The following TTC9 variants were observed in gnomAD, a reference collection of about 807,000 sequenced individuals.
TTC9 encodes tetratricopeptide repeat domain 9, also known as tetratricopeptide repeat protein 9A.
Under a neutral mutation model 22.9 loss-of-function variants are expected in TTC9, and 13 were observed. The ratio of observed to expected loss-of-function variants is 0.57; its 90% CI spans 0.37 to 0.90. The LOEUF is 0.90. Ranked by LOEUF, TTC9 falls within the 40% of genes least tolerant of loss-of-function variation. TTC9 has a pLI of 0.01. For synonymous variants in TTC9, 148 were observed against 133.2 expected, an observed-to-expected ratio of 1.11 and a Z score of -0.77; for missense variants, 280 against 291.8, an observed-to-expected ratio of 0.96 and a Z score of 0.29.
chr14:70,667,369 T>C (rs185809115), intron 1 of TTC9, among the ~76,000 whole-genome samples, 195 bp from the exon 2 acceptor site: 89 of 152,354 alleles, frequency 5.8e-4, no homozygotes, highest in African/African-American at 2.0e-3. Flanking sequence ...AGTGACTTGC[T>C]CAAGCCTTGT....
In TTC9 at chr14:70,672,420, T is replaced by G. The variant is rs1417871014; in HGVS notation, c.*1265T>G. On this transcript the variant is annotated 3_prime_UTR_variant, in exon 3 of 3. Transcript: ENST00000256367. Reference sequence around the variant, plus strand: ...TGCTCGTTATGCTATGCCATGTTGCTTCAGTCAAACAAGAAACACTTACTG... The same window carrying G: ...TGCTCGTTATGCTATGCCATGTTGCGTCAGTCAAACAAGAAACACTTACTG... The G allele has an allele frequency of 2.6e-5, 4 of 152,258 alleles. No individual in the cohort carries two copies. Among genetic ancestry groups the G allele is most frequent in the Non-Finnish European group, 5.9e-5 (4 of 68,040 alleles). 9.4% of individuals were successfully genotyped at this position (152,258 alleles called of 1,614,324 possible).
chr14:70,643,833 A>G (rs1233107008), intron 1 of TTC9, among the ~76,000 whole-genome samples: 1 of 152,246 alleles, frequency 6.6e-6, no homozygotes, highest in Admixed American at 6.5e-5. Context: ...GGCACTTTGT[A>G]AATTGTAAAG....
chr14:70,646,559 G>A (rs56399550), intron 1 of TTC9, among the ~76,000 whole-genome samples: 1,544 of 152,318 alleles, frequency 0.01, 11 homozygotes, highest in Middle Eastern at 0.02. Flanking sequence ...TTCAAGGCTC[G>A]AATGCCAGCA....
intron 1 of TTC9, among the ~76,000 whole-genome samples, chr14:70,647,808 A>G (rs528290592): frequency 1.4e-4 from 22 of 152,378 alleles, no homozygotes; most frequent in Non-Finnish European, 2.8e-4. Context: ...GCAATAGCAG[A>G]GTATTAAATG....
chr14:70,649,217 A>G (rs1009793884), intron 1 of TTC9, among the ~76,000 whole-genome samples: 1 of 152,248 alleles, frequency 6.6e-6, no homozygotes, highest in African/African-American at 2.4e-5. Flanking sequence ...CAGTAATGAC[A>G]GAAAGGATTA....
intron 1 of TTC9, among the ~76,000 whole-genome samples, chr14:70,647,806 A>G (rs1489817576): frequency 6.6e-6 from 1 of 152,246 alleles, no homozygotes; most frequent in Non-Finnish European, 1.5e-5. Context: ...AGGCAATAGC[A>G]GAGTATTAAA....
intron 1 of TTC9, 24 bp downstream of exon 1, chr14:70,642,559 G>GCCGCGCCCCCCGCT (rs774717358): frequency 0.014 from 21,522 of 1,522,084 alleles, 192 homozygotes; most frequent in Middle Eastern, 0.021. Context: ...CGCCCCCCGC[G>GCCGCGCCCCCCGCT]CCGCGGTCCC....
In TTC9 at chr14:70,667,594, A is replaced by G. The variant is rs372204369; in HGVS notation, c.437A>G (p.Tyr146Cys). Residue 146 changes from tyrosine to cysteine, a missense_variant, in exon 2 of 3, where the codon TAT becomes TGT. Physicochemically the swap from Tyr to Cys is radical, Grantham distance 194. This residue lies in a region of TTC9 where 165 missense variants were observed against 145.4 expected (regional missense o/e 1.14). Transcript: ENST00000256367. ...CTGCTCCAGGCTGAGCTGGTAAACT[A>G]TGAACGAGTCAAGGAATATTGCCTC... is the stretch of plus-strand genomic sequence containing the variant. ...ACLLQAELVN[Y>C]ERVKEYCLKV... 4.3e-6 allele frequency: 7 copies of G among 1,613,890 alleles called. No individual in the cohort carries two copies. The highest frequency in any genetic ancestry group is 1.3e-5 in the African/African-American group (1 of 74,922).
intron 1 of TTC9, among the ~76,000 whole-genome samples, chr14:70,666,198 T>C (rs1343128319): frequency 2.0e-5 from 3 of 152,162 alleles, no homozygotes; most frequent in African/African-American, 4.8e-5. Flanking sequence ...CCTCCAGGCG[T>C]GTCATCACTC....
Position 70,667,681 on chromosome 14 carries a change from A to G in TTC9, c.524A>G (p.Tyr175Cys). ...CTTTACCGGTCTGGTGTGGCCTTCT[A>G]CCACCTTGGGGACTATGACAAAGCA... ...KALYRSGVAF[Y>C]HLGDYDKALY... is the part of the protein sequence containing the mutation. The change falls in exon 2 of 3, where the codon TAC (tyrosine) becomes TGC (cysteine). Residue 175 changes from tyrosine to cysteine, a missense_variant. Coordinates refer to ENST00000256367, the MANE Select transcript of TTC9 (RefSeq NM_015351.2). The G allele has an allele frequency of 6.2e-7, 1 of 1,613,860 alleles. No homozygotes were observed. Among genetic ancestry groups the G allele is most frequent in the Non-Finnish European group, 8.5e-7 (1 of 1,179,832 alleles).
At chr14:70,646,642 C>T (rs1199559646) in intron 1 of TTC9, among the ~76,000 whole-genome samples, 2 of 152,126 alleles carry the variant, frequency 1.3e-5, no homozygotes, top group Non-Finnish European at 2.9e-5. Flanking sequence ...CCCTGGGATA[C>T]CTTGTGACCT....
At chr14:70,665,444 G>A (rs535726725) in intron 1 of TTC9, among the ~76,000 whole-genome samples, 22 of 148,820 alleles carry the variant, frequency 1.5e-4, no homozygotes, top group African/African-American at 5.8e-4. Flanking sequence ...ATCCCACCAT[G>A]GAGAGAGAGG....
At chr14:70,657,444 A>G (rs1048652494) in intron 1 of TTC9, among the ~76,000 whole-genome samples, 2 of 152,238 alleles carry the variant, frequency 1.3e-5, no homozygotes, top group African/African-American at 4.8e-5. Context: ...CAGTGTTGCT[A>G]AAACAAAGAA....
At position 70,672,322 on chromosome 14, in the gene TTC9, G is replaced by T. The variant is rs1056987248; in HGVS notation, c.*1167G>T. The T allele has an allele frequency of 1.3e-5, 2 of 152,242 alleles. No individual in the cohort carries two copies. Among genetic ancestry groups the T allele is most frequent in the African/African-American group, 4.8e-5 (2 of 41,470 alleles). 9.4% of individuals were successfully genotyped at this position (152,242 alleles called of 1,614,324 possible). ...TGTGTTCAACAAATGCTTGTTGAAT[G>T]AATAAATTATGACTGCAGACTGGCT... is the stretch of plus-strand genomic sequence containing the variant. On this transcript the variant is annotated 3_prime_UTR_variant, in exon 3 of 3. Coordinates refer to ENST00000256367, the MANE Select transcript of TTC9 (RefSeq NM_015351.2).
Position 70,672,552 on chromosome 14 carries a change from CA to C in TTC9, c.*1399del, listed in dbSNP as rs1221174192. 3 of 152,178 alleles carry C rather than the reference CA, an allele frequency of 2.0e-5. No individual in the cohort carries two copies. The highest frequency in any genetic ancestry group is 7.2e-5 in the African/African-American group (3 of 41,438). The allele number at this position is 152,178 out of a possible 1,614,324, so 9.4% of individuals were successfully genotyped here. A position where few individuals can be genotyped will look rare whatever the true frequency, so the allele number is the denominator to read the frequency against. The stretch of plus-strand genomic sequence containing the variant: ...TAAGAAATGCATATGAGATTATTAC[CA>C]ATGACACCGTTAATTTATATGATGC... On this transcript the variant is annotated 3_prime_UTR_variant, in exon 3 of 3. Coordinates refer to ENST00000256367, the MANE Select transcript of TTC9 (RefSeq NM_015351.2).
Position 70,658,345 on chromosome 14 carries a change from G to A in TTC9, c.407-9219G>A, listed in dbSNP as rs1413801242. ...GGTAGGTGCTGTGTGAGAATTTAAA[G>A]ATGTTCTAGAGATGTTTGTCTGAAA... On this transcript the variant is annotated intron_variant, in intron 1 of 2. Coordinates refer to ENST00000256367, the MANE Select transcript of TTC9 (RefSeq NM_015351.2). Among the ~76,000 whole-genome samples, 4 of 152,210 alleles carry A rather than the reference G, an allele frequency of 2.6e-5. No homozygotes were observed. The East Asian group carries it at 7.7e-4, about 29-fold the overall frequency.
Position 70,674,845 on chromosome 14 carries a change from G to C in TTC9, c.*3690G>C, listed in dbSNP as rs1298116524. 6.6e-6 allele frequency: 1 copy of C among 152,036 alleles called. No homozygotes were observed. Among genetic ancestry groups the C allele is most frequent in the Non-Finnish European group, 1.5e-5 (1 of 67,994 alleles). 9.4% of individuals were successfully genotyped at this position (152,036 alleles called of 1,614,324 possible). On this transcript the variant is annotated 3_prime_UTR_variant, in exon 3 of 3. Coordinates refer to ENST00000256367, the MANE Select transcript of TTC9 (RefSeq NM_015351.2). ...TCCTCAAATAGTGATTATTTCATTTGTTCCCAATCTTCATTGTAAATAGTG... is the reference window on the plus strand; with the variant it reads ...TCCTCAAATAGTGATTATTTCATTTCTTCCCAATCTTCATTGTAAATAGTG...
At chr14:70,645,133 A>G (rs1437618942) in intron 1 of TTC9, among the ~76,000 whole-genome samples, 1 of 151,840 alleles carries the variant, frequency 6.6e-6, no homozygotes, top group East Asian at 1.9e-4. Context: ...AATAAAAAAT[A>G]AAAAAGTCAC....
chr14:70,662,903 A>G (rs1393882647), intron 1 of TTC9, among the ~76,000 whole-genome samples: 1 of 152,252 alleles, frequency 6.6e-6, no homozygotes, highest in East Asian at 1.9e-4. Flanking sequence ...CAAAATGACA[A>G]TAAAGATCTC....
Sources: allele counts gnomAD v4.1 joint callset (sites outside exome capture counted in the v4.1 genomes callset), GRCh38; gene constraint gnomAD v4.1.1; regional missense constraint gnomAD v4.1.1; transcripts MANE v1.5; gene names NCBI Gene and HGNC (gene_info 2026-07-23, HGNC 2026-07-21).